Variants in KIF5B observed in about 807,000 individuals in gnomAD.
The protein encoded by KIF5B is kinesin family member 5B.
A neutral mutation model predicts 132.8 loss-of-function variants in KIF5B; 49 were observed. The ratio of observed to expected loss-of-function variants is 0.37; its 90% confidence interval spans 0.29 to 0.47. The LOEUF is 0.47. Among genes scored for constraint, KIF5B ranks in the 20% least tolerant of loss-of-function variants. The pLI is 1.00. For missense variants in KIF5B, 780 were observed against 1,144.0 expected, an observed-to-expected ratio of 0.68 and a Z score of 4.59; for synonymous variants, 355 against 369.4, an observed-to-expected ratio of 0.96 and a Z score of 0.45.
intron 10 of KIF5B, among the ~76,000 whole-genome samples, chr10:32,035,231 T>G (rs1841448567): frequency 6.6e-6 from 1 of 152,224 alleles, no homozygotes; most frequent in African/African-American, 2.4e-5. Context: ...GAGGATTATG[T>G]TTGCCAGGCT....
At chr10:32,053,748 CA>C (rs1332161022) in intron 1 of KIF5B, among the ~76,000 whole-genome samples, 1 of 150,784 alleles carries the variant, frequency 6.6e-6, no homozygotes, top group Non-Finnish European at 1.5e-5. Flanking sequence ...AAAAAAATCT[CA>C]AAAAAACAAC....
intron 1 of KIF5B, 39 bp from the exon 2 acceptor site, chr10:32,048,590 G>C (rs1188997675): frequency 3.4e-6 from 5 of 1,453,678 alleles, no homozygotes; most frequent in Non-Finnish European, 4.8e-6. Flanking sequence ...ACAAATTAAA[G>C]GTAAATGAAC....
At chr10:32,020,761 T>A (rs1394955254) in intron 19 of KIF5B, among the ~76,000 whole-genome samples, 1 of 152,032 alleles carries the variant, frequency 6.6e-6, no homozygotes, top group Non-Finnish European at 1.5e-5. Context: ...AATAAAGGAT[T>A]TGGAGAAGAC....
intron 15 of KIF5B, among the ~76,000 whole-genome samples, chr10:32,024,067 A>C (rs911586898): frequency 3.0e-5 from 4 of 131,836 alleles, no homozygotes; most frequent in Admixed American, 2.3e-4. Flanking sequence ...AAAAAAACAA[A>C]AAAAAAAAAA....
chr10:32,034,808 G>A lies in KIF5B; in HGVS notation c.993C>T (p.Val331=), dbSNP rs935661782. 1 of 1,596,140 alleles carries A rather than the reference G, an allele frequency of 6.3e-7. No homozygotes were observed. The highest frequency in any genetic ancestry group is 1.4e-5 in the African/African-American group (1 of 73,404). Residue 331 remains valine, a synonymous_variant, in exon 11 of 26, where the codon GTC becomes GTT. Coordinates refer to ENST00000302418, the MANE Select transcript of KIF5B (RefSeq NM_004521.3). Reference sequence around the variant, plus strand: ...ACTGTTCTGCAGTTAACTCCACATTGACACAAACTGTGTTCTTAATTGTTT... The same window carrying A: ...ACTGTTCTGCAGTTAACTCCACATTAACACAAACTGTGTTCTTAATTGTTT... The part of the protein sequence containing the change: ...RAKTIKNTVC[V]NVELTAEQWK...
intron 15 of KIF5B, among the ~76,000 whole-genome samples, 164 bp from the exon 16 acceptor site, chr10:32,023,200 GTAAA>G (rs752967180): frequency 6.6e-6 from 1 of 151,992 alleles, no homozygotes; most frequent in African/African-American, 2.4e-5. Context: ...TCAACGAAAG[GTAAA>G]TAAATACAGC....
chr10:32,013,006 A>T (rs1311427669), intron 25 of KIF5B, among the ~76,000 whole-genome samples: 1 of 150,574 alleles, frequency 6.6e-6, no homozygotes, highest in South Asian at 2.1e-4. Context: ...GGTTCAAGCG[A>T]TTCTCCTGCC....
intron 1 of KIF5B, among the ~76,000 whole-genome samples, chr10:32,049,994 T>C (rs1841668644): frequency 1.3e-5 from 2 of 151,998 alleles, no homozygotes; most frequent in South Asian, 4.2e-4. Flanking sequence ...ATTTTAATAA[T>C]CTAGGAGAAA....
intron 25 of KIF5B, among the ~76,000 whole-genome samples, chr10:32,013,450 T>C (rs1841112734): frequency 6.6e-6 from 1 of 152,224 alleles, no homozygotes; most frequent in African/African-American, 2.4e-5. Context: ...ACAGGTGTTA[T>C]ACCCTCAAGA....
chr10:32,015,698 TA>T (rs1198639841), intron 24 of KIF5B, 39 bp from the exon 25 acceptor site: 1 of 1,554,606 alleles, frequency 6.4e-7, no homozygotes, highest in East Asian at 2.3e-5. Context: ...GAATAAAGTT[TA>T]AGATGTGACT....
intron 16 of KIF5B, 87 bp downstream of exon 16, chr10:32,022,761 C>T (rs2132587205): frequency 1.1e-6 from 1 of 950,020 alleles, no homozygotes; most frequent in Non-Finnish European, 1.6e-6. Flanking sequence ...CACCTATAGA[C>T]ACACATTTTT....
intron 6 of KIF5B, among the ~76,000 whole-genome samples, chr10:32,037,907 C>T (rs1465775378): frequency 2.6e-5 from 4 of 151,158 alleles, no homozygotes; most frequent in African/African-American, 9.7e-5. Context: ...GTCAGGAGTT[C>T]AAGACCAGCC....
At chr10:32,034,388 A>C (rs2132601394) in intron 11 of KIF5B, among the ~76,000 whole-genome samples, 1 of 152,288 alleles carries the variant, frequency 6.6e-6, no homozygotes. Context: ...CTAGGATTAC[A>C]GGCATGAGCC....
Position 32,039,314 on chromosome 10 carries a change from T to G in KIF5B, c.393+13A>C, listed in dbSNP as rs1387218951. On this transcript the variant is annotated intron_variant, in intron 4 of 25. Coordinates refer to ENST00000302418, the MANE Select transcript of KIF5B (RefSeq NM_004521.3). ...CTGTAAAATAAAATATAATCTTTCCTCAAGGAATTTACCTTAATATGAAAT... is the reference window on the plus strand; with the variant it reads ...CTGTAAAATAAAATATAATCTTTCCGCAAGGAATTTACCTTAATATGAAAT... 4.6e-6 allele frequency: 4 copies of G among 869,044 alleles called. No individual in the cohort carries two copies. In the Admixed American group the frequency reaches 9.9e-5, roughly 22 times the overall value. 53.8% of individuals were successfully genotyped at this position (869,044 alleles called of 1,614,324 possible).
At chr10:32,016,167 C>CA (rs1382510009) in intron 24 of KIF5B, among the ~76,000 whole-genome samples, 2 of 151,716 alleles carry the variant, frequency 1.3e-5, no homozygotes, top group South Asian at 2.1e-4. Flanking sequence ...AACAAACAAA[C>CA]AAAAAAAATG....
In KIF5B at chr10:32,018,552, C is replaced by G; in HGVS notation, c.2317G>C (p.Asp773His). The G allele has an allele frequency of 6.2e-7, 1 of 1,612,394 alleles. No individual in the cohort carries two copies. The highest frequency in any genetic ancestry group is 1.3e-5 in the African/African-American group (1 of 74,956). ...RKLHELTVMQ[D>H]RREQARQDLK... Reference sequence around the variant, plus strand: ...TCTTGTCTTGCTTGTTCTCGTCTATCTTGCATAACCCTAACAGTAGAAGAA... The same window carrying G: ...TCTTGTCTTGCTTGTTCTCGTCTATGTTGCATAACCCTAACAGTAGAAGAA... Residue 773 changes from aspartate to histidine, a missense_variant, in exon 21 of 26, where the codon GAT becomes CAT. By Grantham distance (81) the Asp-to-His change is moderately conservative. Around this residue, in one of 9 missense-constraint regions of KIF5B, gnomAD observed 471 missense variants for 569.9 expected, o/e 0.83. Transcript: ENST00000302418.
At position 32,035,687 on chromosome 10, in the gene KIF5B, A is replaced by G. The variant is rs1290625117; in HGVS notation, c.817-20T>C. On this transcript the variant is annotated intron_variant, in intron 9 of 25. Transcript: ENST00000302418. ...ATATGTCTGCATACAAAAACAAAGAAAGAAAACAAGACCAGTATAATAAAA... is the reference window on the plus strand; with the variant it reads ...ATATGTCTGCATACAAAAACAAAGAGAGAAAACAAGACCAGTATAATAAAA... The G allele has an allele frequency of 6.3e-7, 1 of 1,584,906 alleles. No homozygotes were observed. Among genetic ancestry groups the G allele is most frequent in the African/African-American group, 1.4e-5 (1 of 73,376 alleles).
At chr10:32,027,403 T>A (rs539378926) in intron 15 of KIF5B, among the ~76,000 whole-genome samples, 1 of 152,220 alleles carries the variant, frequency 6.6e-6, no homozygotes, top group South Asian at 2.1e-4. Context: ...TTAAAAAGAT[T>A]AGGACAAAGA....
chr10:32,035,845 A>G (rs762103887), intron 9 of KIF5B, 45 bp downstream of exon 9: 1 of 1,463,312 alleles, frequency 6.8e-7, no homozygotes, highest in Admixed American at 1.9e-5. Context: ...ATATTTAAAT[A>G]ATGCCCCATA....
Sources: allele counts gnomAD v4.1 joint callset (sites outside exome capture counted in the v4.1 genomes callset), GRCh38; gene constraint gnomAD v4.1.1; regional missense constraint gnomAD v4.1.1; transcripts MANE v1.5; gene names NCBI Gene and HGNC (gene_info 2026-07-23, HGNC 2026-07-21).